The following CHN2 variants were observed in gnomAD, a reference collection of about 807,000 sequenced individuals.
CHN2 encodes beta-chimaerin.
CHN2 carries 35 observed loss-of-function variants against 56.3 expected under a neutral mutation model. The observed-to-expected ratio is 0.62, with a 90% CI of 0.47 to 0.82. The LOEUF is 0.82. CHN2 is among the 40% of genes least tolerant of loss of function. The pLI is 0.00. For synonymous variants in CHN2, 210 were observed against 212.8 expected (o/e 0.99, Z 0.12); for missense variants, 491 against 580.5 (o/e 0.85, Z 1.58).
At chr7:29,505,885 C>T (rs1420138) in intron 10 of CHN2, among the ~76,000 whole-genome samples, 92,750 of 152,100 alleles carry the variant, frequency 0.61, 29,235 homozygotes, top group African/African-American at 0.78. Flanking sequence ...TGACAGATTC[C>T]CAATAACTGT....
chr7:29,194,456 A>AG (rs1304101941), upstream of CHN2: 1 of 154,266 alleles, frequency 6.5e-6, no homozygotes, highest in East Asian at 1.9e-4. Flanking sequence ...CGGAGGGAGA[A>AG]GGGGGAGGTC....
intron 1 of CHN2, among the ~76,000 whole-genome samples, chr7:29,337,786 A>G (rs1010296754): frequency 1.3e-5 from 2 of 152,194 alleles, no homozygotes; most frequent in Non-Finnish European, 2.9e-5. Context: ...TTCTTCCTGT[A>G]CATCACAGAC....
chr7:29,247,051 G>C (rs1292698817), intron 1 of CHN2, among the ~76,000 whole-genome samples: 1 of 152,096 alleles, frequency 6.6e-6, no homozygotes, highest in African/African-American at 2.4e-5. Flanking sequence ...GAGGCTGTAG[G>C]GTCTGTTGAG....
At chr7:29,354,756 C>T in intron 2 of CHN2, 93 bp downstream of exon 2, 1 of 1,129,702 alleles carries the variant, frequency 8.9e-7, no homozygotes, top group Non-Finnish European at 1.3e-6. Context: ...CACAAGCGTT[C>T]CCACCTCACA....
Position 29,335,267 on chromosome 7 carries a change from A to G in CHN2, c.50-19358A>G, listed in dbSNP as rs145390366. ...AATATAACAGATTAATTCTGAAAAT[A>G]GAACCAATTCCTGAAAAGCCAAAGG... On this transcript the variant is annotated intron_variant, in intron 1 of 12. Transcript: ENST00000222792. Among the ~76,000 whole-genome samples, 14 of 152,368 alleles carry G rather than the reference A, an allele frequency of 9.2e-5. No homozygotes were observed. In the East Asian group the frequency reaches 1.7e-3, roughly 19 times the overall value.
At chr7:29,212,197 G>T in intron 1 of CHN2, 1 of 620,474 alleles carries the variant, frequency 1.6e-6, no homozygotes, top group Non-Finnish European at 2.8e-6. Flanking sequence ...TTTTGCTTCT[G>T]GAAGTCATAT....
chr7:29,262,349 A>G (rs982121011), intron 1 of CHN2, among the ~76,000 whole-genome samples: 4 of 152,236 alleles, frequency 2.6e-5, no homozygotes, highest in African/African-American at 9.6e-5. Flanking sequence ...CATGTCAAAG[A>G]AAGTGTTAAC....
chr7:29,414,396 C>T (rs146250643), intron 6 of CHN2, among the ~76,000 whole-genome samples: 25 of 152,272 alleles, frequency 1.6e-4, no homozygotes, highest in African/African-American at 2.2e-4. Context: ...CTAGCACGCA[C>T]GGGGTATTGA....
intron 1 of CHN2, among the ~76,000 whole-genome samples, chr7:29,321,347 G>A (rs920910725): frequency 2.0e-5 from 3 of 152,008 alleles, no homozygotes; most frequent in South Asian, 2.1e-4. Context: ...GCCAGGGACC[G>A]GGCACTAATA....
intron 2 of CHN2, among the ~76,000 whole-genome samples, chr7:29,162,155 A>G (rs1795256706): frequency 6.6e-6 from 1 of 152,242 alleles, no homozygotes; most frequent in Non-Finnish European, 1.5e-5. Flanking sequence ...ACAACTGAAC[A>G]ACAGTACCTC....
intron 2 of CHN2, among the ~76,000 whole-genome samples, chr7:29,164,789 A>AC (rs895727669): frequency 3.3e-5 from 5 of 151,624 alleles, no homozygotes; most frequent in Non-Finnish European, 7.4e-5. Flanking sequence ...CAAAAAAAAA[A>AC]AAAAAAAAAA....
intron 6 of CHN2, among the ~76,000 whole-genome samples, chr7:29,417,048 ATCTCACCTGCACCTTCT>A (rs1803824766): frequency 6.6e-6 from 1 of 152,092 alleles, no homozygotes; most frequent in Admixed American, 6.5e-5. Context: ...GCCGGGTAGC[ATCTCACCTGCACCTTCT>A]TCGAAATACC....
rs1390535433 is a variant in CHN2 at position 29,447,679 on chromosome 7, C to T, written c.577-32600C>T. On this transcript the variant is annotated intron_variant, in intron 6 of 12. Coordinates refer to ENST00000222792, the MANE Select transcript of CHN2 (RefSeq NM_004067.4). ...GTAGGAGGGAGGGGTTTCAAAGGAG[C>T]ACAAGGACAGTTTTTGGTGAGAGGG... Among the ~76,000 whole-genome samples the T allele has an allele frequency of 2.0e-5, 3 of 152,074 alleles. No homozygotes were observed. The East Asian group carries it at 5.8e-4, about 29-fold the overall frequency.
intron 7 of CHN2, among the ~76,000 whole-genome samples, chr7:29,495,489 A>T (rs530916361): frequency 6.6e-6 from 1 of 152,334 alleles, no homozygotes; most frequent in Non-Finnish European, 1.5e-5. Context: ...TAGCTCAAAG[A>T]CTTGGAACCT....
At chr7:29,338,155 T>C (rs999868069) in intron 1 of CHN2, among the ~76,000 whole-genome samples, 4 of 152,240 alleles carry the variant, frequency 2.6e-5, no homozygotes, top group Non-Finnish European at 5.9e-5. Flanking sequence ...ATTGCTATGA[T>C]AAAATATGGT....
At chr7:29,432,618 A>G (rs2128115962) in intron 6 of CHN2, among the ~76,000 whole-genome samples, 1 of 152,332 alleles carries the variant, frequency 6.6e-6, no homozygotes, top group East Asian at 1.9e-4. Context: ...TCATTAGTAA[A>G]TACATATGGA....
At chr7:29,443,150 C>A (rs1783788202) in intron 6 of CHN2, among the ~76,000 whole-genome samples, 1 of 151,530 alleles carries the variant, frequency 6.6e-6, no homozygotes, top group Non-Finnish European at 1.5e-5. Context: ...CCTTGTTAGC[C>A]AGGATGGTCT....
intron 1 of CHN2, among the ~76,000 whole-genome samples, chr7:29,341,866 A>C (rs1254396352): frequency 6.6e-6 from 1 of 152,158 alleles, no homozygotes; most frequent in Non-Finnish European, 1.5e-5. Flanking sequence ...TCCAGAGCCA[A>C]ACAGATCTGG....
At chr7:29,423,979 C>T (rs1389501498) in intron 6 of CHN2, among the ~76,000 whole-genome samples, 1 of 152,178 alleles carries the variant, frequency 6.6e-6, no homozygotes, top group Non-Finnish European at 1.5e-5. Flanking sequence ...CATTCTTCTG[C>T]CTCCCACTCA....
Sources: allele counts gnomAD v4.1 joint callset (sites outside exome capture counted in the v4.1 genomes callset), GRCh38; gene constraint gnomAD v4.1.1; transcripts MANE v1.5; gene names NCBI Gene and HGNC (gene_info 2026-07-23, HGNC 2026-07-21).